The following CTNNA1 variants were observed in gnomAD, a reference collection of about 807,000 sequenced individuals.
The protein encoded by CTNNA1 is catenin alpha-1.
Under a neutral mutation model 98.4 loss-of-function variants are expected in CTNNA1, and 37 were observed. The observed-to-expected ratio is 0.38, with a 90% CI of 0.29 to 0.49. The LOEUF is 0.49. Among genes scored for constraint, CTNNA1 ranks in the 20% least tolerant of loss-of-function variants. CTNNA1 has a pLI of 0.95. For missense variants in CTNNA1, 761 were observed against 1,147.2 expected (o/e 0.66, Z 4.86); for synonymous variants, 404 against 413.2 (o/e 0.98, Z 0.27).
chr5:138,783,093 G>T, intron 2 of CTNNA1, 84 bp from the exon 3 acceptor site: 2 of 1,088,146 alleles, frequency 1.8e-6, no homozygotes, highest in South Asian at 1.9e-5. Flanking sequence ...TTTTTTAAAA[G>T]AATAACTTAA....
At chr5:138,917,953 CTAAGTTG>C in intron 11 of CTNNA1, 55 bp downstream of exon 11, 1 of 1,574,686 alleles carries the variant, frequency 6.4e-7, no homozygotes, top group Non-Finnish European at 8.7e-7. Context: ...TTACTTTTGT[CTAAGTTG>C]TATTAATGGG....
chr5:138,801,081 G>A (rs565520146), intron 3 of CTNNA1, among the ~76,000 whole-genome samples: 108 of 152,286 alleles, frequency 7.1e-4, no homozygotes, highest in African/African-American at 2.5e-3. Context: ...GAACTGCTCA[G>A]GTGGAGATGA....
intron 3 of CTNNA1, among the ~76,000 whole-genome samples, chr5:138,806,453 T>C (rs1201974660): frequency 1.3e-5 from 2 of 152,132 alleles, no homozygotes; most frequent in Admixed American, 1.3e-4. Flanking sequence ...AACCTTTAAA[T>C]AATGTACTGT....
In CTNNA1 at chr5:138,893,530, TTAAAA is replaced by T. The variant is rs1399756666; in HGVS notation, c.1296+5896_1296+5900del. ...GCCCCCTTCCATTTGTGTCCTTTCT[TTAAAA>T]TAAAATATCTTTTCTCCTTTTATCC... On this transcript the variant is annotated intron_variant, in intron 9 of 17. Coordinates refer to ENST00000302763, the MANE Select transcript of CTNNA1 (RefSeq NM_001903.5). Among the ~76,000 whole-genome samples the T allele has an allele frequency of 3.9e-5, 6 of 152,180 alleles. No individual in the cohort carries two copies. The East Asian group carries it at 1.2e-3, about 29-fold the overall frequency.
chr5:138,754,248 ATTGT>A (rs1448791324), intron 1 of CTNNA1: 3 of 144,608 alleles, frequency 2.1e-5, no homozygotes, highest in Non-Finnish European at 3.1e-5. Flanking sequence ...TTTTTTTTTA[ATTGT>A]TGTTGACTTT....
chr5:138,816,853 C>T (rs1186971661), intron 5 of CTNNA1, among the ~76,000 whole-genome samples: 1 of 152,150 alleles, frequency 6.6e-6, no homozygotes, highest in Non-Finnish European at 1.5e-5. Flanking sequence ...CATGCGCCAC[C>T]ATGCCCAGCT....
chr5:138,854,006 C>T (rs1264691291), intron 7 of CTNNA1, among the ~76,000 whole-genome samples: 2 of 152,060 alleles, frequency 1.3e-5, no homozygotes, highest in African/African-American at 4.8e-5. Flanking sequence ...AAGAAGAAGC[C>T]CAATCATAGA....
At chr5:138,898,152 TCCCCCACCCC>T (rs1038445089) in intron 9 of CTNNA1, among the ~76,000 whole-genome samples, 1 of 123,998 alleles carries the variant, frequency 8.1e-6, no homozygotes, top group Non-Finnish European at 1.7e-5. Context: ...GGCACCTTCC[TCCCCCACCCC>T]CCCCCACCCC....
chr5:138,875,003 A>C, intron 7 of CTNNA1: 1 of 1,312,682 alleles, frequency 7.6e-7, no homozygotes, highest in Non-Finnish European at 1.1e-6. Context: ...GGAGCCTTTG[A>C]CCAGTTTCCT....
chr5:138,891,576 A>C (rs1248736582), intron 9 of CTNNA1, among the ~76,000 whole-genome samples: 1 of 152,160 alleles, frequency 6.6e-6, no homozygotes, highest in African/African-American at 2.4e-5. Flanking sequence ...GCCTGGCTAC[A>C]TGGTGAAACC....
intron 10 of CTNNA1, among the ~76,000 whole-genome samples, chr5:138,909,677 G>GTGA (rs1437337075): frequency 1.3e-5 from 2 of 152,118 alleles, no homozygotes; most frequent in Non-Finnish European, 2.9e-5. Context: ...ACTAAATTGA[G>GTGA]AAGTTACTTC....
In CTNNA1 at chr5:138,874,323, G is replaced by C. The variant is rs769179481; in HGVS notation, c.1063-11889G>C. On this transcript the variant is annotated intron_variant, in intron 7 of 17. Coordinates refer to ENST00000302763, the MANE Select transcript of CTNNA1 (RefSeq NM_001903.5). The surrounding 1 kb of genome is among the most constrained non-coding windows in gnomAD (Gnocchi z 4.1). Reference sequence around the variant, plus strand: ...GTAAGTTGACTGAAGCTGGCAAATTGATCTCTTTCGAGCTCTGTGATGTGA... The same window carrying C: ...GTAAGTTGACTGAAGCTGGCAAATTCATCTCTTTCGAGCTCTGTGATGTGA... 6.2e-7 allele frequency: 1 copy of C among 1,614,016 alleles called. No individual in the cohort carries two copies. The highest frequency in any genetic ancestry group is 1.3e-5 in the African/African-American group (1 of 75,046).
chr5:138,813,660 C>T (rs1008109887), intron 5 of CTNNA1, among the ~76,000 whole-genome samples: 1 of 152,174 alleles, frequency 6.6e-6, no homozygotes, highest in African/African-American at 2.4e-5. Context: ...AGATCTCACT[C>T]TGTTGCCCAG....
rs550250260 is a variant in CTNNA1 at position 138,931,814 on chromosome 5, G to A, written c.2299-764G>A. The A allele has an allele frequency of 2.2e-5, 22 of 985,460 alleles. No homozygotes were observed. In the African/African-American group the frequency reaches 3.1e-4, roughly 14 times the overall value. The allele number at this position is 985,460 out of a possible 1,614,324, so 61.0% of individuals were successfully genotyped here. A position where few individuals can be genotyped will look rare whatever the true frequency, so the allele number is the denominator to read the frequency against. On this transcript the variant is annotated intron_variant, in intron 16 of 17. Transcript: ENST00000302763. The stretch of plus-strand genomic sequence containing the variant: ...ACAGCTCATCTCCAGTATGGTCTGC[G>A]GGGTCTCAGTTCATACCACTCTCTG...
chr5:138,826,987 T>C (rs1760787960), intron 6 of CTNNA1, among the ~76,000 whole-genome samples: 1 of 152,218 alleles, frequency 6.6e-6, no homozygotes, highest in South Asian at 2.1e-4. Context: ...CTTGCCTCGT[T>C]GCCTAGGCTG....
At chr5:138,875,206 C>A (rs288036) in intron 7 of CTNNA1, 88,577 of 329,872 alleles carry the variant, frequency 0.27, 12,807 homozygotes, top group Non-Finnish European at 0.3. Flanking sequence ...CTTCAGTCTC[C>A]TTTCCGCAGC....
rs751135876 is a variant in CTNNA1, at chr5:138,824,517, T to C, written c.589-13T>C. Reference sequence around the variant, plus strand: ...AAGAGTGCTCCAATTTCTTGTTTTATTTACTCTTGTAGGAATTGAAAGATG... The same window carrying C: ...AAGAGTGCTCCAATTTCTTGTTTTACTTACTCTTGTAGGAATTGAAAGATG... On this transcript the variant is annotated splice_polypyrimidine_tract_variant and intron_variant, in intron 5 of 17. Transcript: ENST00000302763. The C allele has an allele frequency of 1.9e-6, 3 of 1,608,048 alleles. No individual in the cohort carries two copies. Among genetic ancestry groups the C allele is most frequent in the Admixed American group, 3.3e-5 (2 of 59,840 alleles).
intron 1 of CTNNA1, chr5:138,754,836 C>G (rs1751449485): frequency 6.6e-6 from 1 of 151,842 alleles, no homozygotes; most frequent in Non-Finnish European, 1.5e-5. Flanking sequence ...TGACTCACTG[C>G]GGCTTCTGTC....
chr5:138,850,291 A>G (rs191419119), intron 7 of CTNNA1, among the ~76,000 whole-genome samples: 9 of 152,126 alleles, frequency 5.9e-5, no homozygotes, highest in East Asian at 1.9e-4. Context: ...CTCTATTTCT[A>G]TTCACTGTAC....
Sources: allele counts gnomAD v4.1 joint callset (sites outside exome capture counted in the v4.1 genomes callset), GRCh38; gene constraint gnomAD v4.1.1; non-coding constraint Gnocchi (gnomAD v3.1); transcripts MANE v1.5; gene names NCBI Gene and HGNC (gene_info 2026-07-23, HGNC 2026-07-21).